Variants in STX11 observed in about 807,000 individuals in gnomAD.
STX11 encodes syntaxin-11.
STX11 carries 21 observed loss-of-function variants against 19.9 expected under a neutral mutation model. The ratio of observed to expected loss-of-function variants is 1.06; its 90% CI spans 0.75 to 1.52. The LOEUF (loss-of-function observed/expected upper bound fraction) is 1.52, where lower values mean the gene tolerates loss of function less well. STX11 is among the 40% of genes most tolerant of loss of function. STX11 has a pLI of 0.00. For synonymous variants in STX11, 193 were observed against 174.4 expected (o/e 1.11, Z -0.84); for missense variants, 438 against 405.9 (o/e 1.08, Z -0.68).
rs886061155 is a variant in STX11 at position 144,190,411 on chromosome 6, T to C, written c.*2920T>C. Among the ~76,000 whole-genome samples, 4 of 152,240 alleles carry C rather than the reference T, an allele frequency of 2.6e-5. No individual in the cohort carries two copies. The highest frequency in any genetic ancestry group is 4.4e-5 in the Non-Finnish European group (3 of 68,034). ...GGCACATGCTAAGTGCTTTGTTCAT[T>C]ATTGTTGTTATTATGTAATTTTCTC... On this transcript the variant is annotated 3_prime_UTR_variant, in exon 2 of 2. Coordinates refer to ENST00000367568, the MANE Select transcript of STX11 (RefSeq NM_003764.4).
chr6:144,141,575 C>T, the STX11 span, among the ~76,000 whole-genome samples: 177 of 152,116 alleles, frequency 1.2e-3, 1 homozygote, highest in Non-Finnish European at 1.1e-3. Flanking sequence ...TCTAAGCTTA[C>T]CTTAAGTTCA....
chr6:144,156,370 C>T (rs1442231319), intron 1 of STX11, among the ~76,000 whole-genome samples: 3 of 152,092 alleles, frequency 2.0e-5, no homozygotes, highest in Admixed American at 2.0e-4. Flanking sequence ...GGCCTCATTT[C>T]CTTCTTTTCA....
At position 144,182,189 on chromosome 6, in the gene STX11, A is replaced by G. The variant is rs935834409; in HGVS notation, c.-5-4434A>G. On this transcript the variant is annotated intron_variant, in intron 1 of 1. Coordinates refer to ENST00000367568, the MANE Select transcript of STX11 (RefSeq NM_003764.4). The surrounding 1 kb of genome is among the most constrained non-coding windows in gnomAD (Gnocchi z 4.8). ...GATATATAGGTTATTTTGATTCTCTATTTGTGCCCACTTCTATATTTTTGT... is the reference window on the plus strand; with the variant it reads ...GATATATAGGTTATTTTGATTCTCTGTTTGTGCCCACTTCTATATTTTTGT... Among the ~76,000 whole-genome samples, 2 of 152,208 alleles carry G rather than the reference A, an allele frequency of 1.3e-5. No individual in the cohort carries two copies. The highest frequency in any genetic ancestry group is 4.8e-5 in the African/African-American group (2 of 41,452).
At chr6:144,156,245 G>A (rs1454349315) in intron 1 of STX11, among the ~76,000 whole-genome samples, 1 of 151,834 alleles carries the variant, frequency 6.6e-6, no homozygotes, top group Non-Finnish European at 1.5e-5. Context: ...TGCATTTTTA[G>A]TAGAGATGGG....
rs888711304 is a variant in STX11 at position 144,159,185 on chromosome 6, G to A, written c.-6+8482G>A. Among the ~76,000 whole-genome samples, 2 of 152,072 alleles carry A rather than the reference G, an allele frequency of 1.3e-5. No individual in the cohort carries two copies. The highest frequency in any genetic ancestry group is 1.9e-4 in the East Asian group (1 of 5,198). On this transcript the variant is annotated intron_variant, in intron 1 of 1. Transcript: ENST00000367568. The surrounding 1 kb of genome is among the most constrained non-coding windows in gnomAD (Gnocchi z 4.3). ...CGTATTTATTCAACAACTATTTATC[G>A]AGGCTTTCCTATATGCCGGGTGCTC...
chr6:144,190,977 T>C lies in STX11; in HGVS notation c.*3486T>C, dbSNP rs528321421. 6.6e-6 allele frequency among the ~76,000 whole-genome samples: 1 copy of C among 152,206 alleles called. No individual in the cohort carries two copies. The highest frequency in any genetic ancestry group is 2.4e-5 in the African/African-American group (1 of 41,538). On this transcript the variant is annotated 3_prime_UTR_variant, in exon 2 of 2. Coordinates refer to ENST00000367568, the MANE Select transcript of STX11 (RefSeq NM_003764.4). ...TGTAGAGCTGGCTTTACCAATCTCATGATGCTTGCTTGGCAACTCTGAAAG... is the reference window on the plus strand; with the variant it reads ...TGTAGAGCTGGCTTTACCAATCTCACGATGCTTGCTTGGCAACTCTGAAAG...
chr6:144,145,538 G>C (rs932374581), upstream of STX11, among the ~76,000 whole-genome samples: 1 of 152,178 alleles, frequency 6.6e-6, no homozygotes, highest in African/African-American at 2.4e-5. Flanking sequence ...AAGAAAATGT[G>C]ATATATATAC....
In STX11 at chr6:144,150,687, T is replaced by C; in HGVS notation, c.-22T>C. ...GGGAGAGGGGCTTCTCGGTTCGCACTCTCGCTCCCAGTCCAGGTTTGTTTT... is the reference window on the plus strand; with the variant it reads ...GGGAGAGGGGCTTCTCGGTTCGCACCCTCGCTCCCAGTCCAGGTTTGTTTT... On this transcript the variant is annotated 5_prime_UTR_variant, in exon 1 of 2. Coordinates refer to ENST00000367568, the MANE Select transcript of STX11 (RefSeq NM_003764.4). The C allele has an allele frequency of 1.0e-6, 1 of 984,462 alleles. No individual in the cohort carries two copies. The highest frequency in any genetic ancestry group is 1.2e-6 in the Non-Finnish European group (1 of 829,764). 61.0% of individuals were successfully genotyped at this position (984,462 alleles called of 1,614,324 possible).
At chr6:144,143,226 G>T in the STX11 span, among the ~76,000 whole-genome samples, 261 of 152,182 alleles carry the variant, frequency 1.7e-3, no homozygotes, top group Admixed American at 3.0e-3. Flanking sequence ...CTAATAAGTG[G>T]ATTGAAATAA....
Position 144,152,130 on chromosome 6 carries a change from G to A in STX11, c.-6+1427G>A, listed in dbSNP as rs1244963041. 6.6e-6 allele frequency among the ~76,000 whole-genome samples: 1 copy of A among 152,152 alleles called. No homozygotes were observed. Among genetic ancestry groups the A allele is most frequent in the East Asian group, 1.9e-4 (1 of 5,200 alleles). On this transcript the variant is annotated intron_variant, in intron 1 of 1. Coordinates refer to ENST00000367568, the MANE Select transcript of STX11 (RefSeq NM_003764.4). The surrounding 1 kb of genome is among the most constrained non-coding windows in gnomAD (Gnocchi z 4.9). ...TTTCTGTGCCAATATAACTCAATAT[G>A]CTGGGTCCCAGTGTATTTAAAGAGT...
At chr6:144,168,317 T>C (rs926264969) in intron 1 of STX11, among the ~76,000 whole-genome samples, 10 of 152,216 alleles carry the variant, frequency 6.6e-5, no homozygotes, top group African/African-American at 2.2e-4. Context: ...TCATTTCTTA[T>C]TCTGTTATAC....
chr6:144,153,462 A>C lies in STX11; in HGVS notation c.-6+2759A>C, dbSNP rs1457065904. ...AGTGAAACAGCACTGGACGTTCAGGAAACTCCAGCCTGTTTAGTGACGGCA... is the reference window on the plus strand; with the variant it reads ...AGTGAAACAGCACTGGACGTTCAGGCAACTCCAGCCTGTTTAGTGACGGCA... On this transcript the variant is annotated intron_variant, in intron 1 of 1. Coordinates refer to ENST00000367568, the MANE Select transcript of STX11 (RefSeq NM_003764.4). This position sits in a 1 kb window ranked among gnomAD's most constrained non-coding sequence, Gnocchi z 5.0. Among the ~76,000 whole-genome samples, 3 of 152,214 alleles carry C rather than the reference A, an allele frequency of 2.0e-5. No individual in the cohort carries two copies. In the East Asian group the frequency reaches 5.8e-4, roughly 29 times the overall value.
In STX11 at chr6:144,181,617, A is replaced by AG. The variant is rs1562667750; in HGVS notation, c.-5-5005dup. 2.8e-3 allele frequency among the ~76,000 whole-genome samples: 377 copies of AG among 135,292 alleles called. 9 individuals carry two copies. The highest frequency in any genetic ancestry group is 0.011 in the African/African-American group (361 of 34,086). The allele number at this position is 135,292 out of a possible 152,430, so 88.8% of individuals were successfully genotyped here. ...CAAAAAAAAAAAAAAAAAAAAAAAA[A>AG]GCTGACATGGTAGGTATCTATGGAA... On this transcript the variant is annotated intron_variant, in intron 1 of 1. Transcript: ENST00000367568.
chr6:144,146,602 G>A (rs1040948832), upstream of STX11, among the ~76,000 whole-genome samples: 1 of 151,952 alleles, frequency 6.6e-6, no homozygotes, highest in Non-Finnish European at 1.5e-5. This position sits in a 1 kb window ranked among gnomAD's most constrained non-coding sequence, Gnocchi z 4.4. Context: ...CTGAGCCACG[G>A]CGTCCAGCTC....
chr6:144,167,532 A>G lies in STX11; in HGVS notation c.-6+16829A>G, dbSNP rs569721961. Among the ~76,000 whole-genome samples, 3 of 152,366 alleles carry G rather than the reference A, an allele frequency of 2.0e-5. No homozygotes were observed. Among genetic ancestry groups the G allele is most frequent in the African/African-American group, 2.4e-5 (1 of 41,586 alleles). On this transcript the variant is annotated intron_variant, in intron 1 of 1. Transcript: ENST00000367568. The surrounding 1 kb of genome is among the most constrained non-coding windows in gnomAD (Gnocchi z 5.0). ...ACTATCTCAGGCACCCACGTGGACA[A>G]TCTGTGCTTGCTTGGTATCACCATC... is the stretch of plus-strand genomic sequence containing the variant.
intron 1 of STX11, among the ~76,000 whole-genome samples, chr6:144,161,054 A>G (rs1584023643): frequency 6.6e-6 from 1 of 152,162 alleles, no homozygotes; most frequent in Non-Finnish European, 1.5e-5. Flanking sequence ...TGCACTTTTC[A>G]TTTTGTATAG....
In STX11 at chr6:144,160,150, G is replaced by A. The variant is rs1584022565; in HGVS notation, c.-6+9447G>A. On this transcript the variant is annotated intron_variant, in intron 1 of 1. Transcript: ENST00000367568. This position sits in a 1 kb window ranked among gnomAD's most constrained non-coding sequence, Gnocchi z 4.3. ...CCTAAGTAGCTAGGACTACAGGTGT[G>A]CACCACCACACCCAGCTAATTTTTG... 6.6e-6 allele frequency among the ~76,000 whole-genome samples: 1 copy of A among 152,052 alleles called. No homozygotes were observed. Among genetic ancestry groups the A allele is most frequent in the Non-Finnish European group, 1.5e-5 (1 of 68,008 alleles).
intron 1 of STX11, among the ~76,000 whole-genome samples, chr6:144,171,092 G>A (rs963660152): frequency 6.6e-6 from 1 of 152,200 alleles, no homozygotes; most frequent in Non-Finnish European, 1.5e-5. Context: ...TGAGAACCCT[G>A]AAACCAGTGA....
At position 144,188,813 on chromosome 6, in the gene STX11, G is replaced by A. The variant is rs1306124359; in HGVS notation, c.*1322G>A. ...AGGATCTTGGCTCATTGCAACCTCT[G>A]TCTCCCAGGTTCGAGCGATTCTCCT... On this transcript the variant is annotated 3_prime_UTR_variant, in exon 2 of 2. Coordinates refer to ENST00000367568, the MANE Select transcript of STX11 (RefSeq NM_003764.4). Among the ~76,000 whole-genome samples the A allele has an allele frequency of 7.3e-6, 1 of 136,432 alleles. No individual in the cohort carries two copies. The highest frequency in any genetic ancestry group is 1.5e-5 in the Non-Finnish European group (1 of 66,128). 89.5% of individuals were successfully genotyped at this position (136,432 alleles called of 152,430 possible).
Sources: gnomAD v4.1 joint callset for allele counts (sites outside exome capture counted in the v4.1 genomes callset) on GRCh38, gnomAD v4.1.1 for gene constraint, Gnocchi (gnomAD v3.1) non-coding constraint, MANE v1.5 for transcripts, NCBI Gene and HGNC (gene_info 2026-07-23, HGNC 2026-07-21) for gene names.